The following SNX9 variants were observed in gnomAD, a reference collection of about 807,000 sequenced individuals.
The protein encoded by SNX9 is sorting nexin-9.
SNX9 carries 44 observed loss-of-function variants against 89.4 expected under a neutral mutation model. The ratio of observed to expected loss-of-function variants is 0.49; its 90% CI spans 0.39 to 0.63. The LOEUF is 0.63. Among genes scored for constraint, SNX9 ranks in the 30% least tolerant of loss-of-function variants. SNX9 has a pLI of 0.00. For synonymous variants in SNX9, 236 were observed against 247.8 expected, an observed-to-expected ratio of 0.95 and a Z score of 0.45; for missense variants, 578 against 736.1, an observed-to-expected ratio of 0.79 and a Z score of 2.49.
At chr6:157,840,452 C>CT (rs1554291583) in intron 1 of SNX9, among the ~76,000 whole-genome samples, 7 of 147,790 alleles carry the variant, frequency 4.7e-5, no homozygotes, top group Admixed American at 6.7e-5. Flanking sequence ...CTTTCCTTTC[C>CT]TTCCTTCCTT....
chr6:157,891,027 CT>C (rs67186551), intron 4 of SNX9, among the ~76,000 whole-genome samples: 5,284 of 114,920 alleles, frequency 0.046, 26 homozygotes, highest in South Asian at 0.07. Context: ...TTTTCTTTCT[CT>C]TTTTTTTTTT....
At chr6:157,898,080 T>C (rs1331688786) in intron 5 of SNX9, among the ~76,000 whole-genome samples, 4 of 152,202 alleles carry the variant, frequency 2.6e-5, no homozygotes, top group Non-Finnish European at 5.9e-5. Flanking sequence ...TTCAGGAAGT[T>C]ACAAGAGTTT....
rs1413560448 is a variant in SNX9 at position 157,826,836 on chromosome 6, ATATATTATATTTT to A, written c.12+3391_12+3403del. Among the ~76,000 whole-genome samples the A allele has an allele frequency of 1.7e-4, 15 of 87,050 alleles. 1 individual carries two copies. The highest frequency in any genetic ancestry group is 9.2e-4 in the Admixed American group (6 of 6,522). 57.1% of individuals were successfully genotyped at this position (87,050 alleles called of 152,430 possible). On this transcript the variant is annotated intron_variant, in intron 1 of 17. Coordinates refer to ENST00000392185, the MANE Select transcript of SNX9 (RefSeq NM_016224.5). ...TATAAATATATATTATATTTTATATATATATTATATTTTATATATAAATATATATTATAGTTTA... is the reference window on the plus strand; with the variant it reads ...TATAAATATATATTATATTTTATATAATATATAAATATATATTATAGTTTA...
intron 5 of SNX9, among the ~76,000 whole-genome samples, chr6:157,897,581 C>T (rs1783006368): frequency 6.6e-6 from 1 of 152,194 alleles, no homozygotes; most frequent in Admixed American, 6.5e-5. Flanking sequence ...AATCTCGGCT[C>T]ACTGCAACCT....
intron 10 of SNX9, among the ~76,000 whole-genome samples, chr6:157,922,452 A>C (rs540272713): frequency 6.6e-6 from 1 of 152,208 alleles, no homozygotes; most frequent in Non-Finnish European, 1.5e-5. Context: ...TTATGAAGCT[A>C]TTTTTGTCTT....
In SNX9 at chr6:157,824,982, T is replaced by C. The variant is rs552333206; in HGVS notation, c.12+1536T>C. ...TTATAGGCCGGGCGCGGTGGCTCAC[T>C]CCCACCTGTAATTCCAGCACTTTGG... On this transcript the variant is annotated intron_variant, in intron 1 of 17. Transcript: ENST00000392185. 3.7e-3 allele frequency among the ~76,000 whole-genome samples: 570 copies of C among 152,244 alleles called. 2 individuals carry two copies. The highest frequency in any genetic ancestry group is 0.013 in the African/African-American group (542 of 41,536).
intron 3 of SNX9, 144 bp downstream of exon 3, chr6:157,873,320 G>A (rs910778231): frequency 6.4e-6 from 3 of 465,738 alleles, no homozygotes; most frequent in African/African-American, 4.0e-5. Flanking sequence ...TATAAAATAT[G>A]GAAACTACAT....
chr6:157,897,610 T>C (rs2115165243), intron 5 of SNX9, among the ~76,000 whole-genome samples: 1 of 152,234 alleles, frequency 6.6e-6, no homozygotes, highest in Admixed American at 6.5e-5. Context: ...CAGGTTCAAG[T>C]GATTCTCTCA....
At position 157,844,587 on chromosome 6, in the gene SNX9, G is replaced by GT. The variant is rs1177648226; in HGVS notation, c.12+21153dup. 4.5e-3 allele frequency among the ~76,000 whole-genome samples: 588 copies of GT among 130,118 alleles called. 8 individuals carry two copies. The highest frequency in any genetic ancestry group is 7.1e-3 in the African/African-American group (233 of 32,900). 85.4% of individuals were successfully genotyped at this position (130,118 alleles called of 152,430 possible). On this transcript the variant is annotated intron_variant, in intron 1 of 17. Transcript: ENST00000392185. The stretch of plus-strand genomic sequence containing the variant: ...ATTTTTAATCTTGTGGCTAATCCTT[G>GT]TTTTTTTTTTTTGTTTTTTTTTTTG...
intron 9 of SNX9, among the ~76,000 whole-genome samples, chr6:157,911,965 G>A (rs753680864): frequency 6.6e-6 from 1 of 152,136 alleles, no homozygotes; most frequent in African/African-American, 2.4e-5. Flanking sequence ...GTGGTCCCTC[G>A]TGGTGCTGGG....
intron 10 of SNX9, among the ~76,000 whole-genome samples, chr6:157,924,855 G>A (rs11759002): frequency 0.16 from 25,085 of 152,152 alleles, 2,179 homozygotes; most frequent in African/African-American, 0.18. Context: ...TTCTTCTTTT[G>A]TATATGTTTG....
chr6:157,919,517 A>G (rs953891539), intron 9 of SNX9, among the ~76,000 whole-genome samples: 1 of 151,720 alleles, frequency 6.6e-6, no homozygotes, highest in Non-Finnish European at 1.5e-5. Flanking sequence ...TTTTTATTTC[A>G]ATTACTATAC....
chr6:157,825,536 C>T (rs918375017), intron 1 of SNX9, among the ~76,000 whole-genome samples: 1 of 151,604 alleles, frequency 6.6e-6, no homozygotes, highest in Admixed American at 6.6e-5. Flanking sequence ...TTAAAGCATG[C>T]GTAAGGACTT....
intron 6 of SNX9, 116 bp downstream of exon 6, chr6:157,902,161 T>A (rs994232300): frequency 8.9e-6 from 8 of 895,744 alleles, no homozygotes; most frequent in African/African-American, 1.7e-5. Context: ...TCTCCTAAGT[T>A]TTGGATATGA....
intron 1 of SNX9, among the ~76,000 whole-genome samples, chr6:157,845,300 G>A (rs762654003): frequency 6.6e-5 from 10 of 151,442 alleles, no homozygotes; most frequent in Admixed American, 6.6e-5. Flanking sequence ...TAGTAGAGAC[G>A]GCGTTTCACC....
intron 1 of SNX9, among the ~76,000 whole-genome samples, chr6:157,841,563 G>A (rs542759262): frequency 2.0e-4 from 31 of 152,166 alleles, no homozygotes; most frequent in Non-Finnish European, 3.7e-4. Context: ...CAGCCCATGT[G>A]GGGTGTGGGG....
chr6:157,891,126 G>T (rs776403114), intron 4 of SNX9, among the ~76,000 whole-genome samples: 1 of 146,746 alleles, frequency 6.8e-6, no homozygotes, highest in South Asian at 2.2e-4. Flanking sequence ...CCGCCTTCCA[G>T]GTTCAAGCGA....
chr6:157,852,945 A>G (rs1267666428), intron 1 of SNX9, among the ~76,000 whole-genome samples: 1 of 152,162 alleles, frequency 6.6e-6, no homozygotes, highest in Admixed American at 6.6e-5. Context: ...TTGTTTTAAA[A>G]GTCAGTTATC....
At chr6:157,929,362 C>G (rs1364976839) in intron 12 of SNX9, among the ~76,000 whole-genome samples, 3 of 152,250 alleles carry the variant, frequency 2.0e-5, no homozygotes, top group Non-Finnish European at 4.4e-5. Flanking sequence ...GGCTGCTGCC[C>G]TGTTACACCC....
Sources: allele counts gnomAD v4.1 joint callset (sites outside exome capture counted in the v4.1 genomes callset), GRCh38; gene constraint gnomAD v4.1.1; transcripts MANE v1.5; gene names NCBI Gene and HGNC (gene_info 2026-07-23, HGNC 2026-07-21).